Variants in SKAP1 observed in about 807,000 individuals in gnomAD.
The protein encoded by SKAP1 is src kinase associated phosphoprotein 1.
SKAP1 carries 44 observed loss-of-function variants against 58.5 expected under a neutral mutation model. The observed-to-expected ratio is 0.75, with a 90% CI of 0.59 to 0.97. The LOEUF is 0.97. Ranked by LOEUF, SKAP1 falls within the 50% of genes least tolerant of loss-of-function variation. The pLI, the probability that SKAP1 is intolerant of heterozygous loss-of-function variation, is 0.00. For synonymous variants in SKAP1, 127 were observed against 149.7 expected (o/e 0.85, Z 1.11); for missense variants, 390 against 435.2 (o/e 0.90, Z 0.92).
At chr17:48,247,371 A>C (rs552034850) in intron 4 of SKAP1, among the ~76,000 whole-genome samples, 20 of 152,348 alleles carry the variant, frequency 1.3e-4, no homozygotes, top group Non-Finnish European at 2.8e-4. Flanking sequence ...AGTAGTAGTT[A>C]CAGAGGAAGC....
intron 4 of SKAP1, among the ~76,000 whole-genome samples, chr17:48,229,895 C>A (rs1386432059): frequency 6.6e-6 from 1 of 152,178 alleles, no homozygotes; most frequent in Non-Finnish European, 1.5e-5. Context: ...CATTCCTCAT[C>A]TTGTGCTTGG....
chr17:48,300,530 T>C (rs4312351), intron 4 of SKAP1, among the ~76,000 whole-genome samples: 50,083 of 152,064 alleles, frequency 0.33, 8,977 homozygotes, highest in African/African-American at 0.47. Context: ...TGAGATTGCA[T>C]GTGATTTTCC....
intron 4 of SKAP1, among the ~76,000 whole-genome samples, chr17:48,264,213 T>TTA (rs912564513): frequency 2.8e-4 from 43 of 151,730 alleles, no homozygotes; most frequent in African/African-American, 7.7e-4. Context: ...CAACACTACT[T>TTA]TATATATATA....
At chr17:48,268,005 T>C (rs2065576183) in intron 4 of SKAP1, among the ~76,000 whole-genome samples, 1 of 152,180 alleles carries the variant, frequency 6.6e-6, no homozygotes, top group Non-Finnish European at 1.5e-5. Context: ...TCTGAGATCA[T>C]AAAGGTAGTT....
intron 1 of SKAP1, among the ~76,000 whole-genome samples, chr17:48,405,814 C>T (rs1408210581): frequency 6.6e-6 from 1 of 151,404 alleles, no homozygotes; most frequent in Non-Finnish European, 1.5e-5. Flanking sequence ...GTGCATTTTA[C>T]ACTTATATCT....
chr17:48,413,708 G>C (rs2067697778), intron 1 of SKAP1, among the ~76,000 whole-genome samples: 1 of 151,208 alleles, frequency 6.6e-6, no homozygotes, highest in South Asian at 2.1e-4. Flanking sequence ...CTATCTGGTG[G>C]GTTTTCTATG....
chr17:48,290,002 T>C (rs1197685432), intron 4 of SKAP1, among the ~76,000 whole-genome samples: 1 of 152,026 alleles, frequency 6.6e-6, no homozygotes, highest in Non-Finnish European at 1.5e-5. Flanking sequence ...TACCCTGAAG[T>C]GGGTGATGGA....
intron 4 of SKAP1, among the ~76,000 whole-genome samples, chr17:48,246,666 GACC>G (rs1237470217): frequency 2.0e-5 from 3 of 152,124 alleles, no homozygotes; most frequent in African/African-American, 7.2e-5. Flanking sequence ...CTACAGCTTG[GACC>G]ACATTTCAGG....
At chr17:48,322,690 T>C (rs767553875) in intron 4 of SKAP1, among the ~76,000 whole-genome samples, 8 of 152,224 alleles carry the variant, frequency 5.3e-5, no homozygotes, top group Non-Finnish European at 8.8e-5. Context: ...GTGACTTCAC[T>C]TTACACCTTG....
chr17:48,235,423 G>T (rs1452754155), intron 4 of SKAP1, among the ~76,000 whole-genome samples: 1 of 150,800 alleles, frequency 6.6e-6, no homozygotes, highest in Non-Finnish European at 1.5e-5. Context: ...AGCCTCAAAA[G>T]TTAGCTTTCA....
Position 48,377,833 on chromosome 17 carries a change from T to C in SKAP1, c.153-14019A>G, listed in dbSNP as rs140753099. Among the ~76,000 whole-genome samples the C allele has an allele frequency of 5.9e-4, 90 of 152,282 alleles. 1 individual carries two copies. Among genetic ancestry groups the C allele is most frequent in the African/African-American group, 1.6e-3 (65 of 41,552 alleles). Reference sequence around the variant, plus strand: ...AAACCAATTGCCAAAGACTTCACTATAGTGCCTGCATATATTAAATACTTT... The same window carrying C: ...AAACCAATTGCCAAAGACTTCACTACAGTGCCTGCATATATTAAATACTTT... On this transcript the variant is annotated intron_variant, in intron 2 of 12. Coordinates refer to ENST00000336915, the MANE Select transcript of SKAP1 (RefSeq NM_003726.4).
At chr17:48,378,874 G>A (rs1454838767) in intron 2 of SKAP1, among the ~76,000 whole-genome samples, 1 of 152,172 alleles carries the variant, frequency 6.6e-6, no homozygotes, top group Non-Finnish European at 1.5e-5. Context: ...AGTTCAGTAT[G>A]AGACTCATTC....
intron 3 of SKAP1, among the ~76,000 whole-genome samples, chr17:48,356,152 G>A (rs967597352): frequency 6.6e-5 from 10 of 151,996 alleles, no homozygotes; most frequent in African/African-American, 2.4e-4. Context: ...TACTGGGGAG[G>A]CCAAAGTGAG....
chr17:48,236,108 C>T (rs1333111276), intron 4 of SKAP1, among the ~76,000 whole-genome samples: 2 of 152,146 alleles, frequency 1.3e-5, no homozygotes, highest in Admixed American at 1.3e-4. Flanking sequence ...GAGAAAAATA[C>T]ATTCATACAT....
chr17:48,141,034 G>A (rs1235219615), intron 11 of SKAP1, among the ~76,000 whole-genome samples: 2 of 151,914 alleles, frequency 1.3e-5, no homozygotes. Context: ...TGAGCCACCC[G>A]CCTCGGCCTC....
chr17:48,330,623 C>G (rs1404785374), intron 4 of SKAP1, among the ~76,000 whole-genome samples: 1 of 152,230 alleles, frequency 6.6e-6, no homozygotes, highest in Non-Finnish European at 1.5e-5. Context: ...GCCAGAAGGG[C>G]AAATAAGAAT....
chr17:48,367,855 C>A (rs145068659), intron 2 of SKAP1, among the ~76,000 whole-genome samples: 1 of 149,362 alleles, frequency 6.7e-6, no homozygotes, highest in African/African-American at 2.5e-5. Context: ...GTTGAGGTTG[C>A]AGTAAGCTGT....
intron 2 of SKAP1, among the ~76,000 whole-genome samples, chr17:48,385,438 C>T (rs2067263683): frequency 1.3e-5 from 2 of 151,874 alleles, no homozygotes; most frequent in Admixed American, 6.6e-5. Context: ...ATTGGAGAGA[C>T]ATAATGAAGA....
chr17:48,179,972 G>T, intron 9 of SKAP1, 82 bp downstream of exon 9: 2 of 1,347,750 alleles, frequency 1.5e-6, no homozygotes, highest in Non-Finnish European at 1.0e-6. Context: ...GCTTCCTTTG[G>T]AATTTTCAAA....
Sources: allele counts gnomAD v4.1 joint callset (sites outside exome capture counted in the v4.1 genomes callset), GRCh38; gene constraint gnomAD v4.1.1; transcripts MANE v1.5; gene names NCBI Gene and HGNC (gene_info 2026-07-23, HGNC 2026-07-21).